The following SLC10A7 variants were observed in gnomAD, a reference collection of about 807,000 sequenced individuals.
The protein encoded by SLC10A7 is sodium/bile acid cotransporter 7.
A neutral mutation model predicts 43.2 loss-of-function variants in SLC10A7; 29 were observed. The observed-to-expected ratio is 0.67, with a 90% CI of 0.50 to 0.92. The LOEUF (loss-of-function observed/expected upper bound fraction) is 0.92. Among genes scored for constraint, SLC10A7 ranks in the 40% least tolerant of loss-of-function variants. The probability of loss-of-function intolerance (pLI) is 0.00; values close to 1 mark genes in which losing one functional copy is unlikely to be tolerated. For synonymous variants in SLC10A7, 152 were observed against 144.8 expected (o/e 1.05, Z -0.35); for missense variants, 295 against 403.2 (o/e 0.73, Z 2.30).
Position 146,415,671 on chromosome 4 carries a change from C to A in SLC10A7, c.435+27112G>T, listed in dbSNP as rs778110912. On this transcript the variant is annotated intron_variant, in intron 5 of 11. Transcript: ENST00000335472. ...AAAGTGCTTTGAAAGCTATATGATG[C>A]TTTACATATAAGAAATCACTAGTAT... 7.3e-4 allele frequency among the ~76,000 whole-genome samples: 111 copies of A among 152,114 alleles called. 1 individual carries two copies. Among genetic ancestry groups the A allele is most frequent in the Non-Finnish European group, 1.4e-3 (98 of 68,022 alleles).
At chr4:146,322,760 T>C (rs1409491266) in intron 6 of SLC10A7, among the ~76,000 whole-genome samples, 1 of 152,194 alleles carries the variant, frequency 6.6e-6, no homozygotes, top group Non-Finnish European at 1.5e-5. Context: ...CTGGGTCAAA[T>C]GGTATTTCTA....
At chr4:146,479,254 AG>A (rs903268708) in intron 4 of SLC10A7, among the ~76,000 whole-genome samples, 1 of 152,206 alleles carries the variant, frequency 6.6e-6, no homozygotes. Context: ...TGGGCATTTT[AG>A]GTTTCAATTA....
At chr4:146,408,755 C>G (rs1035100526) in intron 5 of SLC10A7, 1 of 151,964 alleles carries the variant, frequency 6.6e-6, no homozygotes, top group African/African-American at 2.4e-5. Flanking sequence ...TCCTTTAATT[C>G]TCAGCTTTGT....
intron 5 of SLC10A7, among the ~76,000 whole-genome samples, chr4:146,354,359 T>C (rs374080014): frequency 7.9e-5 from 12 of 151,952 alleles, no homozygotes; most frequent in Admixed American, 2.0e-4. Flanking sequence ...TCAAGGAGAA[T>C]TACAAACCAC....
At chr4:146,308,901 T>G (rs1055056789) in intron 6 of SLC10A7, among the ~76,000 whole-genome samples, 12 of 152,146 alleles carry the variant, frequency 7.9e-5, no homozygotes, top group Non-Finnish European at 1.5e-4. Flanking sequence ...TTTAGGATCT[T>G]TGCATTCAAT....
chr4:146,266,372 C>A (rs1187223369), intron 10 of SLC10A7, among the ~76,000 whole-genome samples: 1 of 151,962 alleles, frequency 6.6e-6, no homozygotes, highest in African/African-American at 2.4e-5. Context: ...TCAGACATCA[C>A]CAAATGCCAA....
chr4:146,451,242 A>C lies in SLC10A7; in HGVS notation c.397-8421T>G, dbSNP rs1023852729. 7.8e-4 allele frequency among the ~76,000 whole-genome samples: 117 copies of C among 149,158 alleles called. 1 individual carries two copies. Among genetic ancestry groups the C allele is most frequent in the Non-Finnish European group, 1.3e-3 (90 of 67,214 alleles). On this transcript the variant is annotated intron_variant, in intron 4 of 11. Coordinates refer to ENST00000335472, the MANE Select transcript of SLC10A7 (RefSeq NM_001029998.6). ...CAGAAGTCTCCCACCAAAAAAAAAA[A>C]AAAAAAAACAAAAAAAAACCAGGAC... is the stretch of plus-strand genomic sequence containing the variant.
chr4:146,273,463 C>T (rs997866762), intron 10 of SLC10A7, among the ~76,000 whole-genome samples: 3 of 152,120 alleles, frequency 2.0e-5, no homozygotes, highest in Non-Finnish European at 4.4e-5. Flanking sequence ...ACCCTAACCC[C>T]CCTCAGTTTC....
intron 4 of SLC10A7, among the ~76,000 whole-genome samples, chr4:146,458,902 G>C (rs1311369426): frequency 1.3e-5 from 2 of 151,564 alleles, no homozygotes; most frequent in Admixed American, 6.6e-5. Flanking sequence ...GAAAAAGAAA[G>C]AAAATGCAAA....
chr4:146,488,647 T>C (rs533014676), intron 4 of SLC10A7, among the ~76,000 whole-genome samples: 10 of 152,340 alleles, frequency 6.6e-5, no homozygotes, highest in South Asian at 2.1e-4. Flanking sequence ...TTTATTTCCT[T>C]CTAAGCATTC....
chr4:146,352,795 A>G (rs1186152288), intron 5 of SLC10A7, among the ~76,000 whole-genome samples: 1 of 139,836 alleles, frequency 7.2e-6, no homozygotes, highest in South Asian at 2.6e-4. Flanking sequence ...TACTGGGTAC[A>G]TAACGAAATG....
chr4:146,400,604 G>A (rs1467649634), intron 5 of SLC10A7, among the ~76,000 whole-genome samples: 1 of 152,068 alleles, frequency 6.6e-6, no homozygotes, highest in Non-Finnish European at 1.5e-5. Context: ...ATAGAACTAA[G>A]GATATGGGCT....
At chr4:146,461,791 T>C (rs1176180711) in intron 4 of SLC10A7, among the ~76,000 whole-genome samples, 4 of 142,288 alleles carry the variant, frequency 2.8e-5, no homozygotes, top group Admixed American at 2.8e-4. Context: ...AAAAAAAAGA[T>C]AGGCTAGGTG....
intron 4 of SLC10A7, among the ~76,000 whole-genome samples, chr4:146,482,383 T>C (rs547399420): frequency 6.6e-6 from 1 of 152,132 alleles, no homozygotes; most frequent in South Asian, 2.1e-4. Flanking sequence ...AGGAAAATAA[T>C]TCATGATCTG....
intron 5 of SLC10A7, among the ~76,000 whole-genome samples, chr4:146,374,461 C>T (rs2630276): frequency 0.82 from 124,021 of 151,890 alleles, 51,332 homozygotes; most frequent in African/African-American, 0.94. Flanking sequence ...TGGTGGTGCA[C>T]GCCTGTAATC....
intron 5 of SLC10A7, among the ~76,000 whole-genome samples, chr4:146,367,239 A>C (rs1314680212): frequency 6.6e-6 from 1 of 152,088 alleles, no homozygotes; most frequent in Non-Finnish European, 1.5e-5. Flanking sequence ...CCAAAACAAC[A>C]AAAGGAAACA....
intron 5 of SLC10A7, among the ~76,000 whole-genome samples, chr4:146,346,985 A>G (rs6846584): frequency 0.25 from 37,911 of 151,988 alleles, 5,453 homozygotes; most frequent in African/African-American, 0.4. Flanking sequence ...AGTTGCAGCA[A>G]ACTAAAAAGG....
intron 5 of SLC10A7, chr4:146,442,195 T>C (rs1730654038): frequency 1.0e-6 from 1 of 966,118 alleles, no homozygotes; most frequent in Non-Finnish European, 1.2e-6. Flanking sequence ...ACAACGTCCT[T>C]ATATTGGTTC....
At position 146,325,954 on chromosome 4, in the gene SLC10A7, T is replaced by C; in HGVS notation, c.471+7A>G. On this transcript the variant is annotated splice_region_variant and intron_variant, in intron 6 of 11. Coordinates refer to ENST00000335472, the MANE Select transcript of SLC10A7 (RefSeq NM_001029998.6). ...AAATATATTAAAGACAACATCAAAA[T>C]ACTCACAAAAAGCAGCAGGAGCAGG... 1 of 1,610,188 alleles carries C rather than the reference T, an allele frequency of 6.2e-7. No homozygotes were observed. Among genetic ancestry groups the C allele is most frequent in the Non-Finnish European group, 8.5e-7 (1 of 1,177,714 alleles).
Sources: allele counts gnomAD v4.1 joint callset (sites outside exome capture counted in the v4.1 genomes callset), GRCh38; gene constraint gnomAD v4.1.1; transcripts MANE v1.5; gene names NCBI Gene and HGNC (gene_info 2026-07-23, HGNC 2026-07-21).